KPNA3: variants seen among roughly 807,000 people sequenced by gnomAD.
The protein encoded by KPNA3 is karyopherin subunit alpha 3.
A neutral mutation model predicts 73.8 loss-of-function variants in KPNA3; 13 were observed. The ratio of observed to expected loss-of-function variants is 0.18; its 90% CI spans 0.11 to 0.28. The LOEUF (loss-of-function observed/expected upper bound fraction) is 0.28. Among genes scored for constraint, KPNA3 ranks in the 10% least tolerant of loss-of-function variants. The pLI, the probability that KPNA3 is intolerant of heterozygous loss-of-function variation, is 1.00. For synonymous variants in KPNA3, 186 were observed against 206.9 expected (o/e 0.90, Z 0.87); for missense variants, 360 against 618.1 (o/e 0.58, Z 4.43).
At chr13:49,706,935 G>A (rs1036405016) in intron 12 of KPNA3, among the ~76,000 whole-genome samples, 3 of 152,016 alleles carry the variant, frequency 2.0e-5, no homozygotes, top group African/African-American at 7.2e-5. Flanking sequence ...ATTTTTAGTA[G>A]AGACGGGGTT....
At chr13:49,744,781 G>C (rs1954602525) in intron 2 of KPNA3, among the ~76,000 whole-genome samples, 1 of 152,094 alleles carries the variant, frequency 6.6e-6, no homozygotes, top group South Asian at 2.1e-4. Context: ...CTTTTAAAAA[G>C]GGGGCGGGGA....
chr13:49,711,471 A>T (rs1253606520), intron 10 of KPNA3, among the ~76,000 whole-genome samples: 2 of 152,242 alleles, frequency 1.3e-5, no homozygotes, highest in Non-Finnish European at 2.9e-5. Flanking sequence ...TTAGCAATAC[A>T]ATTTTTCAGG....
At position 49,755,420 on chromosome 13, in the gene KPNA3, T is replaced by G. The variant is rs372764704; in HGVS notation, c.70-8427A>C. ...AGAAAATGGTGTCCACTCTCACCAC[T>G]ATTATTCAACATAGTATAAGAAGTT... is the stretch of plus-strand genomic sequence containing the variant. On this transcript the variant is annotated intron_variant, in intron 1 of 16. Coordinates refer to ENST00000261667, the MANE Select transcript of KPNA3 (RefSeq NM_002267.4). Among the ~76,000 whole-genome samples the G allele has an allele frequency of 1.2e-4, 19 of 152,324 alleles. No homozygotes were observed. In the East Asian group the frequency reaches 3.1e-3, roughly 25 times the overall value.
chr13:49,726,945 CCT>C (rs1297002792), intron 6 of KPNA3, among the ~76,000 whole-genome samples: 2 of 149,872 alleles, frequency 1.3e-5, no homozygotes, highest in Non-Finnish European at 1.5e-5. Flanking sequence ...AGAGTGAAAC[CCT>C]GTCACAAAAA....
chr13:49,766,091 A>T (rs1346970539), intron 1 of KPNA3, among the ~76,000 whole-genome samples: 1 of 152,218 alleles, frequency 6.6e-6, no homozygotes, highest in Non-Finnish European at 1.5e-5. Flanking sequence ...TGGGATATTC[A>T]ACTACCTCAA....
At chr13:49,781,001 G>GT (rs1330862574) in intron 1 of KPNA3, among the ~76,000 whole-genome samples, 3 of 152,144 alleles carry the variant, frequency 2.0e-5, no homozygotes, top group Non-Finnish European at 4.4e-5. Context: ...GATTACAGGT[G>GT]TAAGGCCACC....
chr13:49,784,387 C>T (rs1289639398), intron 1 of KPNA3, among the ~76,000 whole-genome samples: 1 of 152,124 alleles, frequency 6.6e-6, no homozygotes, highest in African/African-American at 2.4e-5. Flanking sequence ...ATTGCCAATA[C>T]TTGGCTGTTG....
intron 10 of KPNA3, among the ~76,000 whole-genome samples, chr13:49,719,165 T>C (rs1954332245): frequency 6.6e-6 from 1 of 152,156 alleles, no homozygotes; most frequent in African/African-American, 2.4e-5. Flanking sequence ...TGACAGTAAA[T>C]GCTTCACTAA....
chr13:49,720,076 T>G (rs1296578157), intron 9 of KPNA3, among the ~76,000 whole-genome samples: 3 of 152,222 alleles, frequency 2.0e-5, no homozygotes, highest in Non-Finnish European at 4.4e-5. Flanking sequence ...GAAGTTAATG[T>G]ACCTTAAAAT....
chr13:49,785,803 CT>C (rs1342023714), intron 1 of KPNA3, among the ~76,000 whole-genome samples: 3 of 152,004 alleles, frequency 2.0e-5, no homozygotes, highest in Non-Finnish European at 4.4e-5. Context: ...TCCTGAAACA[CT>C]TTACACTCTC....
chr13:49,748,051 G>A (rs910299579), intron 1 of KPNA3, among the ~76,000 whole-genome samples: 1 of 152,118 alleles, frequency 6.6e-6, no homozygotes, highest in Non-Finnish European at 1.5e-5. Context: ...GAAGAATTTT[G>A]GACAAGGTAG....
At chr13:49,784,939 G>C (rs1288859446) in intron 1 of KPNA3, among the ~76,000 whole-genome samples, 1 of 152,104 alleles carries the variant, frequency 6.6e-6, no homozygotes, top group African/African-American at 2.4e-5. Flanking sequence ...GATACACTCA[G>C]ACTTCTTCCA....
chr13:49,780,301 G>C (rs950494255), intron 1 of KPNA3, among the ~76,000 whole-genome samples: 8 of 152,100 alleles, frequency 5.3e-5, no homozygotes, highest in Non-Finnish European at 1.0e-4. Context: ...AATACAAGCA[G>C]AATGGCCCTC....
intron 10 of KPNA3, among the ~76,000 whole-genome samples, chr13:49,713,675 A>AC (rs1954281131): frequency 6.8e-5 from 9 of 133,242 alleles, no homozygotes; most frequent in African/African-American, 2.1e-4. Context: ...ACACACACAC[A>AC]AAACAGAAAA....
chr13:49,781,678 T>C (rs1415882968), intron 1 of KPNA3, among the ~76,000 whole-genome samples: 8 of 152,232 alleles, frequency 5.3e-5, no homozygotes, highest in Non-Finnish European at 1.5e-5. Context: ...CGAGAACTCA[T>C]TATTTTTATG....
chr13:49,702,374 A>G lies in KPNA3; in HGVS notation c.1467+12T>C, dbSNP rs777707712. On this transcript the variant is annotated intron_variant, in intron 16 of 16. Coordinates refer to ENST00000261667, the MANE Select transcript of KPNA3 (RefSeq NM_002267.4). ...TTACATGAAGATACACGCTATTTTA[A>G]TATCTACTTACATCATCACCAGAGA... 4.8e-6 allele frequency: 6 copies of G among 1,261,364 alleles called. No homozygotes were observed. The highest frequency in any genetic ancestry group is 3.8e-5 in the South Asian group (3 of 79,472). The allele number at this position is 1,261,364 out of a possible 1,614,324, so 78.1% of individuals were successfully genotyped here.
chr13:49,715,923 T>C (rs1954300210), intron 10 of KPNA3, among the ~76,000 whole-genome samples: 1 of 152,212 alleles, frequency 6.6e-6, no homozygotes. Context: ...ATAAACTGTG[T>C]CCACAAAACA....
At chr13:49,764,349 C>A (rs1954792753) in intron 1 of KPNA3, among the ~76,000 whole-genome samples, 1 of 152,118 alleles carries the variant, frequency 6.6e-6, no homozygotes, top group Non-Finnish European at 1.5e-5. Flanking sequence ...ATAACAAATT[C>A]TAGGTCTCTA....
chr13:49,728,001 T>C (rs964681629), intron 6 of KPNA3, among the ~76,000 whole-genome samples: 4 of 152,096 alleles, frequency 2.6e-5, no homozygotes, highest in Non-Finnish European at 5.9e-5. Flanking sequence ...TTTAGGAGGC[T>C]GAGGCAGGCG....
Sources: gnomAD v4.1 joint callset for allele counts (sites outside exome capture counted in the v4.1 genomes callset) on GRCh38, gnomAD v4.1.1 for gene constraint, MANE v1.5 for transcripts, NCBI Gene and HGNC (gene_info 2026-07-23, HGNC 2026-07-21) for gene names.